The following DNER variants were observed in gnomAD, a reference collection of about 807,000 sequenced individuals.
DNER encodes delta/notch like EGF repeat containing.
In DNER, 33 loss-of-function variants were observed where a neutral mutation model predicts 78.2. The ratio of observed to expected loss-of-function variants is 0.42; its 90% confidence interval spans 0.32 to 0.56. The LOEUF (loss-of-function observed/expected upper bound fraction) is 0.56, where lower values mean the gene tolerates loss of function less well. Ranked by LOEUF, DNER falls within the 20% of genes least tolerant of loss-of-function variation. DNER has a pLI of 0.11. For synonymous variants in DNER, 417 were observed against 384.8 expected (o/e 1.08, Z -0.98); for missense variants, 918 against 975.3 (o/e 0.94, Z 0.78).
intron 1 of DNER, among the ~76,000 whole-genome samples, chr2:229,688,514 G>A (rs555961559): frequency 1.3e-5 from 2 of 152,162 alleles, no homozygotes; most frequent in South Asian, 2.1e-4. Flanking sequence ...TCCCACATCC[G>A]TAGTTTGTGG....
At chr2:229,701,018 T>G (rs910465706) in intron 1 of DNER, among the ~76,000 whole-genome samples, 2 of 152,190 alleles carry the variant, frequency 1.3e-5, no homozygotes, top group Non-Finnish European at 2.9e-5. Context: ...AGTATTTACA[T>G]AGGCTTCACA....
intron 1 of DNER, among the ~76,000 whole-genome samples, chr2:229,709,554 T>C (rs149271528): frequency 2.4e-4 from 36 of 152,340 alleles, no homozygotes; most frequent in Admixed American, 1.2e-3. Flanking sequence ...GAATTCTTTG[T>C]TAGCAAACCT....
At chr2:229,409,689 T>C (rs1261630817) in intron 9 of DNER, among the ~76,000 whole-genome samples, 2 of 152,156 alleles carry the variant, frequency 1.3e-5, no homozygotes, top group Non-Finnish European at 2.9e-5. Context: ...AATTTTCTTT[T>C]TCAAATGGTG....
chr2:229,413,886 C>A (rs550190468), intron 9 of DNER, among the ~76,000 whole-genome samples: 83 of 151,952 alleles, frequency 5.5e-4, no homozygotes, highest in Middle Eastern at 3.5e-3. Flanking sequence ...TAAAATACTA[C>A]CTATCTAAGT....
intron 5 of DNER, among the ~76,000 whole-genome samples, chr2:229,526,331 A>G (rs1156715338): frequency 1.3e-5 from 2 of 152,208 alleles, no homozygotes; most frequent in Non-Finnish European, 2.9e-5. Flanking sequence ...GGGTTAACGT[A>G]TCATATTTTA....
intron 1 of DNER, among the ~76,000 whole-genome samples, chr2:229,644,834 A>G (rs192489103): frequency 7.7e-4 from 118 of 152,268 alleles, no homozygotes; most frequent in Admixed American, 5.8e-3. Flanking sequence ...GGGTATTTCA[A>G]TCACAACACT....
chr2:229,391,112 A>G (rs529410926), intron 10 of DNER, among the ~76,000 whole-genome samples: 3 of 152,300 alleles, frequency 2.0e-5, no homozygotes, highest in East Asian at 3.9e-4. Context: ...TCTGCCTTAC[A>G]GTGATCATGC....
intron 10 of DNER, among the ~76,000 whole-genome samples, chr2:229,404,047 A>G (rs1693327861): frequency 6.6e-6 from 1 of 152,138 alleles, no homozygotes; most frequent in Non-Finnish European, 1.5e-5. Context: ...AGTCAGGAGG[A>G]ATAGGTGTGA....
intron 4 of DNER, among the ~76,000 whole-genome samples, chr2:229,558,206 A>C (rs906875542): frequency 6.6e-6 from 1 of 152,158 alleles, no homozygotes; most frequent in African/African-American, 2.4e-5. Context: ...AGAGGGGAAC[A>C]ACACACACTG....
At chr2:229,520,592 T>C (rs1696075503) in intron 5 of DNER, among the ~76,000 whole-genome samples, 1 of 152,238 alleles carries the variant, frequency 6.6e-6, no homozygotes, top group Non-Finnish European at 1.5e-5. Flanking sequence ...TATATATGTT[T>C]GAGATTTTCC....
At position 229,358,525 on chromosome 2, in the gene DNER, T is replaced by C. The variant is rs1692139318; in HGVS notation, c.*15A>G. ...TGTAGTATCTCATCTTTTTGAAAAA[T>C]AATCCAAAAAAAGATTACAAATCTT... On this transcript the variant is annotated 3_prime_UTR_variant, in exon 13 of 13. Transcript: ENST00000341772. The C allele has an allele frequency of 6.3e-7, 1 of 1,587,168 alleles. No homozygotes were observed. Among genetic ancestry groups the C allele is most frequent in the African/African-American group, 1.4e-5 (1 of 73,936 alleles).
At chr2:229,685,269 C>T (rs915266663) in intron 1 of DNER, among the ~76,000 whole-genome samples, 9 of 114,294 alleles carry the variant, frequency 7.9e-5, no homozygotes, top group African/African-American at 2.8e-4. Context: ...TTAAATAAAA[C>T]TATGCAAATG....
chr2:229,637,967 G>A (rs1698555213), intron 1 of DNER, among the ~76,000 whole-genome samples: 1 of 152,080 alleles, frequency 6.6e-6, no homozygotes, highest in African/African-American at 2.4e-5. Flanking sequence ...GGAAATAATT[G>A]GAATAGATGC....
chr2:229,664,505 G>A (rs375893559), intron 1 of DNER, among the ~76,000 whole-genome samples: 115 of 152,122 alleles, frequency 7.6e-4, no homozygotes, highest in African/African-American at 2.3e-3. Flanking sequence ...TAATAATAAC[G>A]AAAACAAAAA....
intron 1 of DNER, among the ~76,000 whole-genome samples, chr2:229,592,525 A>G (rs1032954689): frequency 6.6e-6 from 1 of 152,116 alleles, no homozygotes; most frequent in South Asian, 2.1e-4. Context: ...TTTATTTTGG[A>G]GGGTGATTAG....
chr2:229,563,242 C>T, intron 4 of DNER, among the ~76,000 whole-genome samples: 1 of 137,732 alleles, frequency 7.3e-6, no homozygotes, highest in East Asian at 2.4e-4. Flanking sequence ...CCTCCTCACC[C>T]CATCACCATC....
chr2:229,362,160 T>C (rs1692232121), intron 12 of DNER, among the ~76,000 whole-genome samples: 1 of 152,236 alleles, frequency 6.6e-6, no homozygotes. Context: ...GATGCATCCA[T>C]TGTCCTTGGT....
At chr2:229,502,131 A>T (rs1397961880) in intron 6 of DNER, among the ~76,000 whole-genome samples, 1 of 152,182 alleles carries the variant, frequency 6.6e-6, no homozygotes, top group Non-Finnish European at 1.5e-5. Flanking sequence ...CTCAGGCAAG[A>T]GGGCAGTGGA....
chr2:229,642,469 G>T (rs951100137), intron 1 of DNER, among the ~76,000 whole-genome samples: 10 of 152,180 alleles, frequency 6.6e-5, no homozygotes, highest in African/African-American at 2.4e-4. Context: ...TTGGCCTGTT[G>T]GGCATAAACA....
Sources: allele counts gnomAD v4.1 joint callset (sites outside exome capture counted in the v4.1 genomes callset), GRCh38; gene constraint gnomAD v4.1.1; transcripts MANE v1.5; gene names NCBI Gene and HGNC (gene_info 2026-07-23, HGNC 2026-07-21).